MICAL3: variants seen among roughly 807,000 people sequenced by gnomAD.
MICAL3 encodes the protein microtubule associated monooxygenase, calponin and LIM domain containing 3, also known as [F-actin]-monooxygenase MICAL3.
Under a neutral mutation model 207.4 loss-of-function variants are expected in MICAL3, and 62 were observed. That is an observed-to-expected ratio of 0.30 (90% CI 0.24 to 0.37). MICAL3 has a LOEUF of 0.37. MICAL3 is among the 10% of genes least tolerant of loss of function. The pLI is 1.00. For synonymous variants in MICAL3, 1,077 were observed against 1,069.3 expected (o/e 1.01, Z -0.14); for missense variants, 2,368 against 2,635.6 (o/e 0.90, Z 2.22).
At chr22:17,958,932 C>T (rs1934761812) in intron 1 of MICAL3, among the ~76,000 whole-genome samples, 1 of 151,182 alleles carries the variant, frequency 6.6e-6, no homozygotes, top group African/African-American at 2.4e-5. Context: ...TCTTGAAGTC[C>T]TGACCTCAGG....
intron 19 of MICAL3, among the ~76,000 whole-genome samples, chr22:17,848,424 G>T (rs1924871484): frequency 6.6e-6 from 1 of 152,302 alleles, no homozygotes; most frequent in Middle Eastern, 3.4e-3. Flanking sequence ...ACCATGTCTG[G>T]CCCAGACATT....
chr22:17,903,372 A>G (rs1313507119), intron 3 of MICAL3, among the ~76,000 whole-genome samples: 2 of 152,170 alleles, frequency 1.3e-5, no homozygotes, highest in Non-Finnish European at 2.9e-5. Context: ...GTCCATGAGC[A>G]CCTGCAGGCA....
intron 19 of MICAL3, among the ~76,000 whole-genome samples, chr22:17,847,986 C>T (rs1488077005): frequency 6.6e-6 from 1 of 152,158 alleles, no homozygotes; most frequent in African/African-American, 2.4e-5. Flanking sequence ...ATTTCAGCTA[C>T]CTTCCCCATA....
rs1161459051 is a variant in MICAL3 at position 17,900,502 on chromosome 22, T to C, written c.847+340A>G. On this transcript the variant is annotated intron_variant, in intron 6 of 31. Coordinates refer to ENST00000441493, the MANE Select transcript of MICAL3 (RefSeq NM_015241.3). The surrounding 1 kb of genome is among the most constrained non-coding windows in gnomAD (Gnocchi z 4.0). ...CTGTAGTCCCAGCTACTCAGGAGGC[T>C]GAGATGGGAGGATCACTTGAGCCCA... is the stretch of plus-strand genomic sequence containing the variant. Among the ~76,000 whole-genome samples, 1 of 152,096 alleles carries C rather than the reference T, an allele frequency of 6.6e-6. No individual in the cohort carries two copies.
At chr22:17,823,957 T>C (rs1476053224) in intron 22 of MICAL3, among the ~76,000 whole-genome samples, 1 of 152,142 alleles carries the variant, frequency 6.6e-6, no homozygotes, top group Non-Finnish European at 1.5e-5. Flanking sequence ...TACTAATACT[T>C]TGGGAGAGCA....
At chr22:17,792,528 C>G (rs2061834604) in intron 29 of MICAL3, among the ~76,000 whole-genome samples, 1 of 152,192 alleles carries the variant, frequency 6.6e-6, no homozygotes. Context: ...GAAGGGCCAG[C>G]CACAGCCCGA....
chr22:17,921,996 C>T (rs1007581410), intron 1 of MICAL3, among the ~76,000 whole-genome samples: 2 of 152,134 alleles, frequency 1.3e-5, no homozygotes, highest in African/African-American at 2.4e-5. Flanking sequence ...CACACTTTTA[C>T]GTGTTCCTCA....
In MICAL3 at chr22:17,981,119, T is replaced by C. The variant is rs138411121; in HGVS notation, c.-75+43162A>G. On this transcript the variant is annotated intron_variant, in intron 1 of 31. Transcript: ENST00000441493. ...ACATTTATTTTCAATTTTACTGATATAAAAGATATGCAGCACACAATGGTA... is the reference window on the plus strand; with the variant it reads ...ACATTTATTTTCAATTTTACTGATACAAAAGATATGCAGCACACAATGGTA... Among the ~76,000 whole-genome samples the C allele has an allele frequency of 3.9e-3, 596 of 152,332 alleles. 9 individuals carry two copies. Among genetic ancestry groups the C allele is most frequent in the African/African-American group, 0.014 (568 of 41,574 alleles).
chr22:17,797,150 G>T (rs1231107273), intron 29 of MICAL3, among the ~76,000 whole-genome samples: 2 of 152,192 alleles, frequency 1.3e-5, no homozygotes, highest in African/African-American at 4.8e-5. Flanking sequence ...AAGAGCCATA[G>T]CCCTGAGACT....
In MICAL3 at chr22:17,895,332, A is replaced by G. The variant is rs1248604293; in HGVS notation, c.1401T>C (p.Pro467=). ...SKNFSQYSID[P]VTRYPNINVN... ...CGTTGATATTGGGATACCGAGTGAC[A>G]GGGTCGATACTGTACTGGCTGAAGT... Residue 467 remains proline, a synonymous_variant, in exon 10 of 32, where the codon CCT becomes CCC. Coordinates refer to ENST00000441493, the MANE Select transcript of MICAL3 (RefSeq NM_015241.3). 6 of 1,613,680 alleles carry G rather than the reference A, an allele frequency of 3.7e-6. No individual in the cohort carries two copies. In the African/African-American group the frequency reaches 8.0e-5, roughly 22 times the overall value.
chr22:17,916,321 C>T (rs1345464945), intron 1 of MICAL3, among the ~76,000 whole-genome samples: 1 of 152,142 alleles, frequency 6.6e-6, no homozygotes, highest in Non-Finnish European at 1.5e-5. Flanking sequence ...AGCATGCTGC[C>T]TCCCACACTG....
intron 1 of MICAL3, among the ~76,000 whole-genome samples, chr22:17,972,854 C>T (rs1037298109): frequency 1.3e-5 from 2 of 152,246 alleles, no homozygotes; most frequent in East Asian, 1.9e-4. Context: ...GTTCCCACAG[C>T]AACTGTAACC....
At position 17,817,621 on chromosome 22, in the gene MICAL3, C is replaced by A; in HGVS notation, c.5040G>T (p.Gly1680=). ...EEVLSPPSDS[G]GPDGSFTSSE... ...ATGAAGTGAAAGAGCCATCTGGGCC[C>A]CCTGAGTCCGACGGCGGGGAGAGGA... Residue 1680 remains glycine, a synonymous_variant, in exon 26 of 32, where the codon GGG becomes GGT. Transcript: ENST00000441493. 3.1e-6 allele frequency: 5 copies of A among 1,613,208 alleles called. No individual in the cohort carries two copies. The highest frequency in any genetic ancestry group is 4.2e-6 in the Non-Finnish European group (5 of 1,179,852).
intron 1 of MICAL3, among the ~76,000 whole-genome samples, chr22:17,937,256 G>A (rs1310235668): frequency 6.6e-6 from 1 of 152,146 alleles, no homozygotes; most frequent in Non-Finnish European, 1.5e-5. Flanking sequence ...CTCCCTAACT[G>A]TTCTACCACA....
At chr22:18,001,737 C>T (rs1018783999) in intron 1 of MICAL3, among the ~76,000 whole-genome samples, 1 of 152,254 alleles carries the variant, frequency 6.6e-6, no homozygotes, top group Non-Finnish European at 1.5e-5. Flanking sequence ...CCTCTCCGTC[C>T]CCCTGCAGGA....
intron 27 of MICAL3, among the ~76,000 whole-genome samples, chr22:17,815,833 G>A (rs150588869): frequency 5.2e-4 from 79 of 152,376 alleles, no homozygotes; most frequent in African/African-American, 1.8e-3. Context: ...AAATGGGCAC[G>A]TGACGGGCTC....
intron 22 of MICAL3, among the ~76,000 whole-genome samples, chr22:17,823,735 T>C (rs1056666545): frequency 3.3e-5 from 5 of 152,226 alleles, no homozygotes; most frequent in Admixed American, 6.5e-5. Flanking sequence ...TCTCTCCTTA[T>C]GTATATGCAG....
chr22:17,871,190 T>A (rs1198214395), intron 17 of MICAL3, among the ~76,000 whole-genome samples: 1 of 152,198 alleles, frequency 6.6e-6, no homozygotes, highest in African/African-American at 2.4e-5. Flanking sequence ...CCCATCACGA[T>A]GGCTCTATCG....
intron 1 of MICAL3, among the ~76,000 whole-genome samples, chr22:18,011,806 G>A (rs1291627751): frequency 2.0e-5 from 3 of 149,188 alleles, no homozygotes; most frequent in Non-Finnish European, 4.4e-5. Context: ...GCAGGAGAAT[G>A]GCGTGAACCT....
Sources: allele counts gnomAD v4.1 joint callset (sites outside exome capture counted in the v4.1 genomes callset), GRCh38; gene constraint gnomAD v4.1.1; non-coding constraint Gnocchi (gnomAD v3.1); transcripts MANE v1.5; gene names NCBI Gene and HGNC (gene_info 2026-07-23, HGNC 2026-07-21).